KIAA1217: variants seen among roughly 807,000 people sequenced by gnomAD.
KIAA1217 encodes the protein KIAA1217, also known as sickle tail protein homolog.
KIAA1217 carries 88 observed loss-of-function variants against 163.9 expected under a neutral mutation model. The observed-to-expected ratio is 0.54, with a 90% CI of 0.45 to 0.64. KIAA1217 has a LOEUF of 0.64. Among genes scored for constraint, KIAA1217 ranks in the 30% least tolerant of loss-of-function variants. KIAA1217 has a pLI of 0.00. For synonymous variants in KIAA1217, 903 were observed against 923.1 expected (o/e 0.98, Z 0.39); for missense variants, 2,372 against 2,475.0 (o/e 0.96, Z 0.88).
chr10:23,920,253 G>T (rs548167664), intron 1 of KIAA1217, among the ~76,000 whole-genome samples: 1 of 152,292 alleles, frequency 6.6e-6, no homozygotes, highest in South Asian at 2.1e-4. Flanking sequence ...AAGCCCTTTT[G>T]TAGGGTTTCA....
At chr10:23,811,996 G>C (rs1240661190) in intron 1 of KIAA1217, among the ~76,000 whole-genome samples, 2 of 152,062 alleles carry the variant, frequency 1.3e-5, no homozygotes, top group African/African-American at 2.4e-5. Flanking sequence ...GAGGTGAGGG[G>C]ATCGCTTGAG....
chr10:24,501,943 G>A (rs989147600), intron 9 of KIAA1217, among the ~76,000 whole-genome samples: 1 of 151,742 alleles, frequency 6.6e-6, no homozygotes, highest in Non-Finnish European at 1.5e-5. Context: ...TAGAGACGGG[G>A]TTTCACCGTG....
intron 8 of KIAA1217, among the ~76,000 whole-genome samples, chr10:24,497,385 GA>G (rs1440590507): frequency 1.3e-5 from 2 of 152,116 alleles, no homozygotes; most frequent in African/African-American, 2.4e-5. Context: ...TACATGAAAA[GA>G]AACAGAAGCT....
At chr10:24,098,565 C>A (rs1036649676) in intron 2 of KIAA1217, among the ~76,000 whole-genome samples, 8 of 152,228 alleles carry the variant, frequency 5.3e-5, no homozygotes, top group African/African-American at 1.9e-4. Context: ...AGGGTCCATG[C>A]AAGCCACTTT....
intron 1 of KIAA1217, among the ~76,000 whole-genome samples, chr10:23,978,449 C>G (rs1477917922): frequency 6.6e-6 from 1 of 152,098 alleles, no homozygotes; most frequent in South Asian, 2.1e-4. Flanking sequence ...TGAAGTTATT[C>G]TGATAAATTA....
rs538724922 is a variant in KIAA1217, at chr10:23,866,843, C to CT, written c.-320-140375dup. Among the ~76,000 whole-genome samples, 97 of 151,956 alleles carry CT rather than the reference C, an allele frequency of 6.4e-4. No homozygotes were observed. The South Asian group carries it at 1.0e-2, about 16-fold the overall frequency. Reference sequence around the variant, plus strand: ...CAGGACAATTTTCTTTTTTCTTTTTCTTTTTTTCTTTTATTATTATTATAC... The same window carrying CT: ...CAGGACAATTTTCTTTTTTCTTTTTCTTTTTTTTCTTTTATTATTATTATAC... On this transcript the variant is annotated intron_variant, in intron 1 of 18. Coordinates refer to the KIAA1217 transcript ENST00000376462.
intron 2 of KIAA1217, among the ~76,000 whole-genome samples, chr10:24,246,204 T>C (rs891603015): frequency 1.3e-5 from 2 of 152,204 alleles, no homozygotes; most frequent in Non-Finnish European, 2.9e-5. Context: ...TGTGTGTGTT[T>C]ATGACGGTCA....
intron 1 of KIAA1217, among the ~76,000 whole-genome samples, chr10:23,897,334 G>T (rs1460823071): frequency 6.6e-6 from 1 of 151,954 alleles, no homozygotes; most frequent in Non-Finnish European, 1.5e-5. Context: ...AAGTTGTCTG[G>T]CATCATTGGA....
intron 2 of KIAA1217, among the ~76,000 whole-genome samples, chr10:24,343,737 T>G (rs2047383844): frequency 6.6e-6 from 1 of 152,234 alleles, no homozygotes; most frequent in African/African-American, 2.4e-5. Flanking sequence ...GTTGTAATAT[T>G]TGATCCTTCT....
chr10:23,878,698 C>A (rs765825307), intron 1 of KIAA1217, among the ~76,000 whole-genome samples: 57 of 151,774 alleles, frequency 3.8e-4, no homozygotes, highest in Admixed American at 1.2e-3. Flanking sequence ...AATATATGGG[C>A]GATGAATGGA....
chr10:24,477,967 C>T (rs1232692878), intron 6 of KIAA1217, among the ~76,000 whole-genome samples: 1 of 152,150 alleles, frequency 6.6e-6, no homozygotes, highest in African/African-American at 2.4e-5. Context: ...AGAACCAATC[C>T]AATTTCTGTT....
upstream of KIAA1217, among the ~76,000 whole-genome samples, chr10:24,204,203 G>GGGA: frequency 6.6e-6 from 1 of 152,232 alleles, no homozygotes; most frequent in Non-Finnish European, 1.5e-5. Flanking sequence ...AGGGGCTCCT[G>GGGA]GGCACCTCAC....
intron 1 of KIAA1217, among the ~76,000 whole-genome samples, chr10:23,922,806 G>A (rs1356581808): frequency 3.9e-5 from 6 of 152,154 alleles, no homozygotes; most frequent in Non-Finnish European, 7.4e-5. Flanking sequence ...GGAACATGGC[G>A]GCCTGAAATA....
At chr10:24,136,012 T>A (rs1274358466) in intron 2 of KIAA1217, among the ~76,000 whole-genome samples, 1 of 152,172 alleles carries the variant, frequency 6.6e-6, no homozygotes, top group Non-Finnish European at 1.5e-5. Context: ...ATTTTAACAT[T>A]TGACATTCTA....
At chr10:23,824,652 AAAAAAAATAT>A (rs1837799240) in intron 1 of KIAA1217, among the ~76,000 whole-genome samples, 2 of 10,546 alleles carry the variant, frequency 1.9e-4, no homozygotes, top group African/African-American at 4.0e-4. Flanking sequence ...AAAAAAAAAT[AAAAAAAATAT>A]ATATATATAT....
chr10:23,769,366 C>T lies in KIAA1217; in HGVS notation c.-321+74132C>T, dbSNP rs967182154. ...TCTCAGGCACTGATCTTAGGCTTTA[C>T]AGTAGTGATGTTATCCCCAGGAGCA... On this transcript the variant is annotated intron_variant, in intron 1 of 18. Transcript: ENST00000376462. Among the ~76,000 whole-genome samples, 4 of 152,130 alleles carry T rather than the reference C, an allele frequency of 2.6e-5. No homozygotes were observed. The South Asian group carries it at 8.3e-4, about 32-fold the overall frequency.
At chr10:23,822,300 G>C (rs536107000) in intron 1 of KIAA1217, among the ~76,000 whole-genome samples, 8 of 152,268 alleles carry the variant, frequency 5.3e-5, no homozygotes, top group Non-Finnish European at 1.0e-4. Flanking sequence ...TCAAGGGGCT[G>C]TGCTACCTAG....
intron 2 of KIAA1217, among the ~76,000 whole-genome samples, chr10:24,240,553 G>A (rs1334321708): frequency 6.6e-6 from 1 of 152,148 alleles, no homozygotes; most frequent in African/African-American, 2.4e-5. Flanking sequence ...CTCCAACATC[G>A]GAAGTTCTGG....
intron 2 of KIAA1217, among the ~76,000 whole-genome samples, chr10:24,262,391 G>A (rs2075807953): frequency 6.6e-6 from 1 of 152,190 alleles, no homozygotes; most frequent in Non-Finnish European, 1.5e-5. Context: ...ACTTTGGGAG[G>A]CCGAGGTGGG....
Sources: allele counts gnomAD v4.1 joint callset (sites outside exome capture counted in the v4.1 genomes callset), GRCh38; gene constraint gnomAD v4.1.1; transcripts MANE v1.5; gene names NCBI Gene and HGNC (gene_info 2026-07-23, HGNC 2026-07-21).